STYK1: variants seen among roughly 807,000 people sequenced by gnomAD.
STYK1 encodes tyrosine-protein kinase STYK1.
STYK1 carries 46 observed loss-of-function variants against 48.1 expected under a neutral mutation model. The observed-to-expected ratio is 0.96, with a 90% CI of 0.75 to 1.22. The LOEUF (loss-of-function observed/expected upper bound fraction) is 1.22. Among genes scored for constraint, STYK1 ranks in the 50% most tolerant of loss-of-function variants. STYK1 has a pLI of 0.00. For missense variants in STYK1, 527 were observed against 521.1 expected, an observed-to-expected ratio of 1.01 and a Z score of -0.11; for synonymous variants, 188 against 189.0, an observed-to-expected ratio of 0.99 and a Z score of 0.04.
intron 1 of STYK1, among the ~76,000 whole-genome samples, chr12:10,641,682 C>A (rs568285566): frequency 4.4e-4 from 67 of 152,232 alleles, no homozygotes; most frequent in Non-Finnish European, 8.8e-4. Context: ...CTGTGCCATA[C>A]AGTGTGTCAC....
At chr12:10,644,267 A>G (rs1331318059) in intron 1 of STYK1, among the ~76,000 whole-genome samples, 1 of 152,228 alleles carries the variant, frequency 6.6e-6, no homozygotes, top group Non-Finnish European at 1.5e-5. Context: ...GGTGAAAATT[A>G]CATGAGTCTA....
chr12:10,622,732 G>T lies in STYK1; in HGVS notation c.927-54C>A. 1.9e-6 allele frequency: 3 copies of T among 1,608,132 alleles called. No individual in the cohort carries two copies. In the South Asian group the frequency reaches 3.3e-5, roughly 18 times the overall value. On this transcript the variant is annotated intron_variant, in intron 8 of 10. Transcript: ENST00000075503. ...ATTTCTATTTCTGTTTTTCTAAAGA[G>T]AGCTCATTTAAGTGTCAGAAGCCTT...
At chr12:10,658,052 A>G (rs1338702969) in intron 1 of STYK1, among the ~76,000 whole-genome samples, 2 of 152,248 alleles carry the variant, frequency 1.3e-5, no homozygotes, top group Non-Finnish European at 2.9e-5. Context: ...AAGATTTGTG[A>G]AAAATTAATC....
At chr12:10,630,189 T>C (rs1481037439) in intron 5 of STYK1, among the ~76,000 whole-genome samples, 1 of 151,384 alleles carries the variant, frequency 6.6e-6, no homozygotes, top group African/African-American at 2.4e-5. Context: ...AGTTCGAGAC[T>C]GGCCTGGCCA....
At chr12:10,633,601 C>T (rs1565563005) in intron 4 of STYK1, among the ~76,000 whole-genome samples, 1 of 152,054 alleles carries the variant, frequency 6.6e-6, no homozygotes, top group South Asian at 2.1e-4. Context: ...ATCCTGGAGG[C>T]AAAGATTAGG....
intron 1 of STYK1, among the ~76,000 whole-genome samples, chr12:10,642,652 C>T (rs116109624): frequency 1.2e-3 from 187 of 152,224 alleles, no homozygotes; most frequent in African/African-American, 4.3e-3. Flanking sequence ...ATACTCTATG[C>T]ACAGAGAGGG....
chr12:10,634,610 C>T lies in STYK1; in HGVS notation c.9G>A (p.Met3Ile). Residue 3 changes from methionine (M) to isoleucine (I), a missense_variant, in exon 3 of 11, where the codon ATG becomes ATA. Met to Ile is a conservative substitution (Grantham distance 10). Coordinates refer to ENST00000075503, the MANE Select transcript of STYK1 (RefSeq NM_018423.3). MGMTRMLLECSLS... is the reference protein window; with the variant it reads MGITRMLLECSLS... ...GACTGCATTCCAGGAGCATCCGTGT[C>T]ATGCCCATTGCCACAGGGCTGTCCC... 1 of 1,614,164 alleles carries T rather than the reference C, an allele frequency of 6.2e-7. No homozygotes were observed. Among genetic ancestry groups the T allele is most frequent in the Non-Finnish European group, 8.5e-7 (1 of 1,180,030 alleles).
At chr12:10,630,378 T>A in intron 5 of STYK1, among the ~76,000 whole-genome samples, 1 of 106,544 alleles carries the variant, frequency 9.4e-6, no homozygotes, top group Admixed American at 1.1e-4. Context: ...AGAGCAACAC[T>A]CTGTCTCAAA....
chr12:10,629,707 G>T, intron 5 of STYK1, 33 bp from the exon 6 acceptor site: 1 of 1,613,386 alleles, frequency 6.2e-7, no homozygotes, highest in Non-Finnish European at 8.5e-7. Flanking sequence ...GCAGTGAGCA[G>T]TCAGAGCATC....
chr12:10,629,559 T>A lies in STYK1; in HGVS notation c.567A>T (p.Pro189=), dbSNP rs777466732. The part of the protein sequence containing the change: ...QLEGCCTEKL[P]LYMVLEDVAQ... The stretch of plus-strand genomic sequence containing the variant: ...CCACATCCTCCAACACCATATAGAG[T>A]GGCAGCTTTTCAGTGCAGCAGCCTT... The change falls in exon 6 of 11, where the codon CCA becomes CCT. Residue 189 remains proline (P), a synonymous_variant. Transcript: ENST00000075503. 1 of 1,613,934 alleles carries A rather than the reference T, an allele frequency of 6.2e-7. No individual in the cohort carries two copies. Among genetic ancestry groups the A allele is most frequent in the African/African-American group, 1.3e-5 (1 of 74,956 alleles).
chr12:10,644,662 A>C (rs1289571877), intron 1 of STYK1, among the ~76,000 whole-genome samples: 1 of 152,246 alleles, frequency 6.6e-6, no homozygotes, highest in Non-Finnish European at 1.5e-5. Flanking sequence ...AAAAAGAAAA[A>C]TAATGGATTG....
chr12:10,632,435 A>C (rs180705617), intron 4 of STYK1, among the ~76,000 whole-genome samples: 8 of 152,310 alleles, frequency 5.3e-5, no homozygotes, highest in Admixed American at 5.2e-4. Context: ...AATAGCCAGG[A>C]AGCCAGTGTA....
chr12:10,629,595 C>G lies in STYK1; in HGVS notation c.531G>C (p.Leu177=). ...CAGTGCAGCAGCCTTCCAGCTGCAC[C>G]AGGTTTTTGTGTTTCCCCAGGTATT... is the stretch of plus-strand genomic sequence containing the variant. The part of the protein sequence containing the change: ...FHQYLGKHKN[L]VQLEGCCTEK... The change falls in exon 6 of 11, where the codon CTG becomes CTC. Residue 177 remains leucine (L), a synonymous_variant. Transcript: ENST00000075503. 6.2e-7 allele frequency: 1 copy of G among 1,614,148 alleles called. No individual in the cohort carries two copies. Among genetic ancestry groups the G allele is most frequent in the Non-Finnish European group, 8.5e-7 (1 of 1,180,034 alleles).
rs757005816 is a variant in STYK1, at chr12:10,631,013, G to T, written c.451+32C>A. 1.9e-6 allele frequency: 3 copies of T among 1,608,194 alleles called. No individual in the cohort carries two copies. The South Asian group carries it at 3.3e-5, about 18-fold the overall frequency. Reference sequence around the variant, plus strand: ...AAAGCCTGTTAATATTTACTGTTAGGGGAAGGGGGAGTCAAACACTTCTTG... The same window carrying T: ...AAAGCCTGTTAATATTTACTGTTAGTGGAAGGGGGAGTCAAACACTTCTTG... On this transcript the variant is annotated intron_variant, in intron 5 of 10. Coordinates refer to ENST00000075503, the MANE Select transcript of STYK1 (RefSeq NM_018423.3).
At chr12:10,641,365 G>A (rs2120693483) in intron 1 of STYK1, among the ~76,000 whole-genome samples, 1 of 152,288 alleles carries the variant, frequency 6.6e-6, no homozygotes, top group African/African-American at 2.4e-5. Flanking sequence ...AGCCTGCTGG[G>A]TTTTTCCTTC....
intron 7 of STYK1, among the ~76,000 whole-genome samples, chr12:10,626,134 G>A (rs543480063): frequency 4.1e-4 from 63 of 152,254 alleles, no homozygotes; most frequent in African/African-American, 1.4e-3. Flanking sequence ...GCCTGGTGAA[G>A]CTTTAAAATA....
At chr12:10,622,752 A>T in intron 8 of STYK1, 74 bp from the exon 9 acceptor site, 1 of 1,570,986 alleles carries the variant, frequency 6.4e-7, no homozygotes, top group Non-Finnish European at 8.7e-7. Flanking sequence ...AAGTGTCAGA[A>T]GCCTTTAATA....
chr12:10,642,243 A>T (rs1947553327), intron 1 of STYK1, among the ~76,000 whole-genome samples: 1 of 152,150 alleles, frequency 6.6e-6, no homozygotes, highest in South Asian at 2.1e-4. Flanking sequence ...CTATTCCTAC[A>T]CTTACCCTGC....
intron 4 of STYK1, among the ~76,000 whole-genome samples, chr12:10,632,967 C>G (rs1565562789): frequency 6.6e-6 from 1 of 152,068 alleles, no homozygotes; most frequent in African/African-American, 2.4e-5. Flanking sequence ...TTGTTTTGGT[C>G]ATATTACATA....
Sources: gnomAD v4.1 joint callset for allele counts (sites outside exome capture counted in the v4.1 genomes callset) on GRCh38, gnomAD v4.1.1 for gene constraint, MANE v1.5 for transcripts, NCBI Gene and HGNC (gene_info 2026-07-23, HGNC 2026-07-21) for gene names.